Variants in TJP1 observed in about 807,000 individuals in gnomAD.
TJP1 encodes tight junction protein ZO-1.
Under a neutral mutation model 194.2 loss-of-function variants are expected in TJP1, and 43 were observed. The ratio of observed to expected loss-of-function variants is 0.22; its 90% CI spans 0.17 to 0.29. The LOEUF (loss-of-function observed/expected upper bound fraction) is 0.29, where lower values mean the gene tolerates loss of function less well. Ranked by LOEUF, TJP1 falls within the 10% of genes least tolerant of loss-of-function variation. The pLI, the probability that TJP1 is intolerant of heterozygous loss-of-function variation, is 1.00. For missense variants in TJP1, 1,971 were observed against 2,185.7 expected, an observed-to-expected ratio of 0.90 and a Z score of 1.96; for synonymous variants, 801 against 779.0, an observed-to-expected ratio of 1.03 and a Z score of -0.47.
At chr15:29,766,126 A>G in intron 5 of TJP1, 140 bp downstream of exon 5, 7 of 1,136,884 alleles carry the variant, frequency 6.2e-6, no homozygotes, top group South Asian at 1.6e-5. Context: ...AGCCTGCCAT[A>G]ACAGGATTTG....
At chr15:29,811,907 G>A (rs1268678135) in intron 1 of TJP1, among the ~76,000 whole-genome samples, 1 of 152,016 alleles carries the variant, frequency 6.6e-6, no homozygotes, top group African/African-American at 2.4e-5. Context: ...ATAATCTACA[G>A]GCCAACCTTT....
intron 4 of TJP1, among the ~76,000 whole-genome samples, chr15:29,770,419 C>G (rs532248358): frequency 2.0e-5 from 3 of 148,970 alleles, no homozygotes; most frequent in African/African-American, 7.4e-5. Flanking sequence ...GGTGACAGAG[C>G]GAAACCGTGT....
At position 29,767,368 on chromosome 15, in the gene TJP1, C is replaced by T. The variant is rs45624741; in HGVS notation, c.313-826G>A. Among the ~76,000 whole-genome samples the T allele has an allele frequency of 5.2e-3, 796 of 152,294 alleles. 5 individuals carry two copies. The highest frequency in any genetic ancestry group is 8.3e-3 in the Non-Finnish European group (562 of 68,028). ...GTGTATCACTCCTTGTCTTCTATGT[C>T]GGACACCTTGAGCTACTGAAACTTT... is the stretch of plus-strand genomic sequence containing the variant. On this transcript the variant is annotated intron_variant, in intron 4 of 27. Transcript: ENST00000614355.
At chr15:29,793,055 C>G (rs939836483) in intron 2 of TJP1, among the ~76,000 whole-genome samples, 1 of 152,170 alleles carries the variant, frequency 6.6e-6, no homozygotes, top group Non-Finnish European at 1.5e-5. Context: ...TGTCTGCAAA[C>G]AAGGGTAATC....
At chr15:29,821,427 A>C (rs893212958) in intron 1 of TJP1, 1 of 152,236 alleles carries the variant, frequency 6.6e-6, no homozygotes, top group Admixed American at 6.5e-5. Context: ...TTAAATAAGT[A>C]ATACAGCATG....
At chr15:29,712,777 G>A (rs1426061263) in intron 23 of TJP1, among the ~76,000 whole-genome samples, 2 of 150,270 alleles carry the variant, frequency 1.3e-5, no homozygotes, top group Non-Finnish European at 2.9e-5. Flanking sequence ...ATAATTAGCA[G>A]GTTCTGAATA....
Position 29,741,397 on chromosome 15 carries a change from A to C in TJP1, c.1190T>G (p.Val397Gly). The change falls in exon 10 of 28, where the codon GTG (valine) becomes GGG (glycine). Residue 397 changes from valine (V) to glycine (G), a missense_variant. Coordinates refer to ENST00000614355, the MANE Select transcript of TJP1 (RefSeq NM_001330239.4). Reference protein sequence around the residue: ...PVYAQVGQPDVDLPVSPSDGV... With the variant: ...PVYAQVGQPDGDLPVSPSDGV... ...ATCAGATGGACTGACAGGTAAATCCACATCTGGTTGCCCAACTTGGGCATA... is the reference window on the plus strand; with the variant it reads ...ATCAGATGGACTGACAGGTAAATCCCCATCTGGTTGCCCAACTTGGGCATA... The C allele has an allele frequency of 1.9e-6, 3 of 1,605,670 alleles. No homozygotes were observed. Among genetic ancestry groups the C allele is most frequent in the Non-Finnish European group, 2.5e-6 (3 of 1,177,496 alleles).
intron 2 of TJP1, among the ~76,000 whole-genome samples, chr15:29,887,253 T>C (rs1388899080): frequency 1.3e-5 from 2 of 148,212 alleles, no homozygotes; most frequent in East Asian, 1.9e-4. Flanking sequence ...ATATATTGTA[T>C]ATATATAATA....
intron 2 of TJP1, among the ~76,000 whole-genome samples, chr15:29,794,880 A>G (rs963436121): frequency 1.3e-5 from 2 of 152,202 alleles, no homozygotes; most frequent in South Asian, 4.1e-4. Flanking sequence ...AAGAGCAGAA[A>G]TCAATGAAAC....
chr15:29,744,871 A>T (rs1428761245), intron 8 of TJP1, among the ~76,000 whole-genome samples: 1 of 152,196 alleles, frequency 6.6e-6, no homozygotes, highest in East Asian at 1.9e-4. Context: ...AGAAAATAAT[A>T]TATTTTTCAT....
At chr15:29,958,536 C>G (rs1423015956) in intron 1 of TJP1, among the ~76,000 whole-genome samples, 1 of 152,084 alleles carries the variant, frequency 6.6e-6, no homozygotes, top group Non-Finnish European at 1.5e-5. Flanking sequence ...ACCCTAAGAC[C>G]TTTTTCCCTT....
chr15:29,729,836 AAAG>A (rs1157485466), intron 15 of TJP1, among the ~76,000 whole-genome samples: 1 of 151,914 alleles, frequency 6.6e-6, no homozygotes, highest in East Asian at 1.9e-4. Flanking sequence ...AAAAAAAAAA[AAAG>A]GTTACTGAGG....
At chr15:29,729,006 C>A (rs570027290) in intron 15 of TJP1, 1 of 152,160 alleles carries the variant, frequency 6.6e-6, no homozygotes, top group Admixed American at 6.5e-5. Flanking sequence ...GTGGAGTAAA[C>A]CTGATTAAAC....
intron 8 of TJP1, among the ~76,000 whole-genome samples, chr15:29,756,996 G>A (rs1047573312): frequency 7.2e-5 from 11 of 152,068 alleles, no homozygotes; most frequent in African/African-American, 2.2e-4. Flanking sequence ...TTACAGTAGC[G>A]AACACATGTG....
intron 26 of TJP1, among the ~76,000 whole-genome samples, chr15:29,705,088 T>C (rs2041809727): frequency 6.6e-6 from 1 of 152,234 alleles, no homozygotes; most frequent in Non-Finnish European, 1.5e-5. Flanking sequence ...GCTGAGCATG[T>C]ACTAGTGCTA....
chr15:29,873,392 C>A (rs2052592208), intron 2 of TJP1, among the ~76,000 whole-genome samples: 2 of 152,178 alleles, frequency 1.3e-5, no homozygotes, highest in Admixed American at 6.5e-5. Flanking sequence ...AAACCTAACA[C>A]AGGTCCTGGA....
chr15:29,735,215 G>GA lies in TJP1; in HGVS notation c.1408-834dup, dbSNP rs200675953. 1.1e-3 allele frequency among the ~76,000 whole-genome samples: 147 copies of GA among 133,232 alleles called. No individual in the cohort carries two copies. In the East Asian group the frequency reaches 0.014, roughly 12 times the overall value. 87.4% of individuals were successfully genotyped at this position (133,232 alleles called of 152,430 possible). A position where few individuals can be genotyped will look rare whatever the true frequency, so the allele number is the denominator to read the frequency against. On this transcript the variant is annotated intron_variant, in intron 11 of 27. Transcript: ENST00000614355. ...TTTGGAAATTTTCCAGATTAAAAAAGAAAAAAAAAAACCCTAGAAACAAAA... is the reference window on the plus strand; with the variant it reads ...TTTGGAAATTTTCCAGATTAAAAAAGAAAAAAAAAAAACCCTAGAAACAAAA...
chr15:29,830,342 TTATA>T, intron 2 of TJP1, among the ~76,000 whole-genome samples: 1 of 149,088 alleles, frequency 6.7e-6, no homozygotes, highest in Non-Finnish European at 1.5e-5. Flanking sequence ...TGTATAATAA[TTATA>T]TATAATGTAT....
At position 29,783,278 on chromosome 15, in the gene TJP1, G is replaced by C. The variant is rs1423366956; in HGVS notation, c.85-9921C>G. On this transcript the variant is annotated intron_variant, in intron 2 of 27. Transcript: ENST00000614355. ...AAAAAGAGCAAAACTCCATCTCAAA[G>C]AAACAAACAAAAACACAAAGATATC... 5.9e-5 allele frequency among the ~76,000 whole-genome samples: 9 copies of C among 151,962 alleles called. No homozygotes were observed. The East Asian group carries it at 1.5e-3, about 26-fold the overall frequency.
Sources: allele counts gnomAD v4.1 joint callset (sites outside exome capture counted in the v4.1 genomes callset), GRCh38; gene constraint gnomAD v4.1.1; transcripts MANE v1.5; gene names NCBI Gene and HGNC (gene_info 2026-07-23, HGNC 2026-07-21).